The following MAPK10 variants were observed in gnomAD, a reference collection of about 807,000 sequenced individuals.
MAPK10 encodes JNK3 alpha protein kinase.
Under a neutral mutation model 59.3 loss-of-function variants are expected in MAPK10, and 25 were observed. The observed-to-expected ratio is 0.42, with a 90% CI of 0.31 to 0.59. The LOEUF (loss-of-function observed/expected upper bound fraction) is 0.59, where lower values mean the gene tolerates loss of function less well. Ranked by LOEUF, MAPK10 falls within the 20% of genes least tolerant of loss-of-function variation. MAPK10 has a pLI of 0.15. For synonymous variants in MAPK10, 190 were observed against 200.5 expected, an observed-to-expected ratio of 0.95 and a Z score of 0.44; for missense variants, 351 against 568.9, an observed-to-expected ratio of 0.62 and a Z score of 3.90.
intron 2 of MAPK10, among the ~76,000 whole-genome samples, chr4:86,262,682 T>C (rs2094050332): frequency 6.6e-6 from 1 of 152,182 alleles, no homozygotes; most frequent in Non-Finnish European, 1.5e-5. Context: ...TGAATGATTC[T>C]AACCAATACA....
At chr4:86,448,401 GTTT>G (rs35968542) in intron 1 of MAPK10, among the ~76,000 whole-genome samples, 1,615 of 147,772 alleles carry the variant, frequency 0.011, 43 homozygotes, top group African/African-American at 0.037. Flanking sequence ...AGAATTCTGG[GTTT>G]TTTTTTTTAT....
intron 2 of MAPK10, among the ~76,000 whole-genome samples, chr4:86,342,042 C>T (rs970836792): frequency 3.9e-5 from 6 of 152,130 alleles, no homozygotes; most frequent in Non-Finnish European, 7.4e-5. Context: ...ACCTACTTGA[C>T]CAACAGACTA....
At chr4:86,065,590 G>A (rs2046582144) in intron 10 of MAPK10, 1 of 152,060 alleles carries the variant, frequency 6.6e-6, no homozygotes, top group Admixed American at 6.5e-5. Flanking sequence ...CAACATGCAG[G>A]TTTGTTACAT....
chr4:86,028,562 A>G (rs1751491243), intron 13 of MAPK10: 1 of 152,226 alleles, frequency 6.6e-6, no homozygotes, highest in African/African-American at 2.4e-5. Context: ...CTGAAAATAA[A>G]CCATCACATT....
intron 1 of MAPK10, among the ~76,000 whole-genome samples, chr4:86,589,697 T>C (rs1339232228): frequency 6.9e-6 from 1 of 145,396 alleles, no homozygotes; most frequent in East Asian, 2.0e-4. Context: ...AAAAAAAAAG[T>C]AAAGTAAAAT....
At chr4:86,514,535 A>G (rs1579447494) in intron 1 of MAPK10, among the ~76,000 whole-genome samples, 1 of 152,176 alleles carries the variant, frequency 6.6e-6, no homozygotes, top group East Asian at 1.9e-4. Context: ...TTAAGTAGAC[A>G]ATAGTGTACT....
intron 11 of MAPK10, among the ~76,000 whole-genome samples, chr4:86,042,408 G>A (rs961590434): frequency 5.3e-5 from 8 of 152,100 alleles, no homozygotes; most frequent in African/African-American, 1.9e-4. Context: ...GTTGATAGGT[G>A]CAGCAAACCA....
chr4:86,071,749 A>G (rs1242510179), intron 9 of MAPK10, among the ~76,000 whole-genome samples: 1 of 150,954 alleles, frequency 6.6e-6, no homozygotes, highest in Non-Finnish European at 1.5e-5. Flanking sequence ...CCATTGATCT[A>G]TATCTCTGTT....
At chr4:86,042,710 C>A (rs532104117) in intron 11 of MAPK10, among the ~76,000 whole-genome samples, 8 of 150,028 alleles carry the variant, frequency 5.3e-5, no homozygotes, top group Non-Finnish European at 7.4e-5. Context: ...AAAAAAGATA[C>A]AAAGTAGGGA....
chr4:86,450,081 C>A (rs1750525674), intron 1 of MAPK10, among the ~76,000 whole-genome samples: 1 of 152,164 alleles, frequency 6.6e-6, no homozygotes, highest in African/African-American at 2.4e-5. Flanking sequence ...AACTCCCAAT[C>A]CACAGAAACG....
intron 9 of MAPK10, among the ~76,000 whole-genome samples, chr4:86,096,023 T>C (rs550682386): frequency 6.6e-6 from 1 of 151,842 alleles, no homozygotes; most frequent in South Asian, 2.1e-4. Context: ...TTTTTTTAAC[T>C]TTTAGGTCCA....
intron 1 of MAPK10, among the ~76,000 whole-genome samples, chr4:86,536,542 T>A (rs896000192): frequency 6.6e-6 from 1 of 152,202 alleles, no homozygotes; most frequent in African/African-American, 2.4e-5. Context: ...AAAGAAAAAT[T>A]TGGTCTTGGG....
intron 4 of MAPK10, among the ~76,000 whole-genome samples, chr4:86,127,333 A>G (rs1281804716): frequency 6.6e-6 from 1 of 152,040 alleles, no homozygotes; most frequent in Admixed American, 6.6e-5. Flanking sequence ...CCTTAAATAA[A>G]TAATTGTTAC....
At chr4:86,180,937 T>C (rs530489152) in intron 3 of MAPK10, among the ~76,000 whole-genome samples, 3 of 152,132 alleles carry the variant, frequency 2.0e-5, no homozygotes, top group African/African-American at 7.2e-5. Context: ...TCTACAGCAC[T>C]GTAGGGTGAC....
intron 2 of MAPK10, among the ~76,000 whole-genome samples, chr4:86,264,273 T>C (rs1405471732): frequency 2.0e-4 from 30 of 152,186 alleles, no homozygotes; most frequent in Admixed American, 1.9e-3. Context: ...TTTTGTAAAG[T>C]TGCCAAGATA....
intron 1 of MAPK10, among the ~76,000 whole-genome samples, chr4:86,514,481 C>T (rs1756510175): frequency 6.6e-6 from 1 of 152,104 alleles, no homozygotes; most frequent in Non-Finnish European, 1.5e-5. Flanking sequence ...AAGCCCCATT[C>T]CTAAATAAAT....
chr4:86,328,313 G>T (rs1392327248), intron 2 of MAPK10, among the ~76,000 whole-genome samples: 2 of 152,132 alleles, frequency 1.3e-5, no homozygotes, highest in Non-Finnish European at 2.9e-5. Context: ...ACCATCTCAT[G>T]CCAGTCAGAA....
rs1400577671 is a variant in MAPK10, at chr4:86,081,076, A to C, written c.803-13121T>G. Reference sequence around the variant, plus strand: ...GTTCATGGTGCAGAGATAGACAAACAAACCAGTGGAACAGAATATACAGCC... The same window carrying C: ...GTTCATGGTGCAGAGATAGACAAACCAACCAGTGGAACAGAATATACAGCC... On this transcript the variant is annotated intron_variant, in intron 9 of 13. Transcript: ENST00000641462. 2.0e-5 allele frequency: 3 copies of C among 152,030 alleles called. No individual in the cohort carries two copies. The East Asian group carries it at 5.8e-4, about 29-fold the overall frequency. 9.4% of individuals were successfully genotyped at this position (152,030 alleles called of 1,614,324 possible).
chr4:86,380,052 C>T (rs2149000246), intron 1 of MAPK10, among the ~76,000 whole-genome samples: 1 of 152,138 alleles, frequency 6.6e-6, no homozygotes, highest in African/African-American at 2.4e-5. Flanking sequence ...CCTGGCCAAA[C>T]ATGGTGAAAC....
Sources: allele counts gnomAD v4.1 joint callset (sites outside exome capture counted in the v4.1 genomes callset), GRCh38; gene constraint gnomAD v4.1.1; transcripts MANE v1.5; gene names NCBI Gene and HGNC (gene_info 2026-07-23, HGNC 2026-07-21).